Variants in AKAP9 observed in about 807,000 individuals in gnomAD.
AKAP9 encodes the protein A-kinase anchoring protein 9, also known as A-kinase anchor protein 9.
AKAP9 carries 311 observed loss-of-function variants against 488.5 expected under a neutral mutation model. The observed-to-expected ratio is 0.64, with a 90% CI of 0.58 to 0.70. The LOEUF is 0.70. Among genes scored for constraint, AKAP9 ranks in the 30% least tolerant of loss-of-function variants. AKAP9 has a pLI of 0.00. For synonymous variants in AKAP9, 1,462 were observed against 1,483.5 expected (o/e 0.99, Z 0.33); for missense variants, 4,215 against 4,374.5 (o/e 0.96, Z 1.03).
chr7:91,953,961 G>A (rs1713333398), intron 1 of AKAP9, among the ~76,000 whole-genome samples: 3 of 152,136 alleles, frequency 2.0e-5, no homozygotes, highest in Admixed American at 2.0e-4. Flanking sequence ...ATAGCCAAGT[G>A]TAAGCAGTCT....
At position 92,104,155 on chromosome 7, in the gene AKAP9, C is replaced by T. The variant is rs190230786; in HGVS notation, c.11330+1329C>T. Reference sequence around the variant, plus strand: ...TTTTGCTTTTTAAAGTTATTTCTATCAGGTCACATCTGATGCTGCTTTATT... The same window carrying T: ...TTTTGCTTTTTAAAGTTATTTCTATTAGGTCACATCTGATGCTGCTTTATT... On this transcript the variant is annotated intron_variant, in intron 46 of 49. Transcript: ENST00000356239. Among the ~76,000 whole-genome samples the T allele has an allele frequency of 6.6e-5, 10 of 151,824 alleles. No homozygotes were observed. The East Asian group carries it at 1.9e-3, about 29-fold the overall frequency.
At chr7:92,035,660 C>T (rs986990498) in intron 16 of AKAP9, among the ~76,000 whole-genome samples, 2 of 152,216 alleles carry the variant, frequency 1.3e-5, no homozygotes, top group African/African-American at 4.8e-5. Context: ...TAGGTTCAGA[C>T]TAAAAATCCT....
At chr7:92,050,517 G>C (rs1210635823) in intron 21 of AKAP9, among the ~76,000 whole-genome samples, 2 of 152,128 alleles carry the variant, frequency 1.3e-5, no homozygotes, top group South Asian at 2.1e-4. Context: ...TGTCTTGTTT[G>C]TCTTTCTAGA....
chr7:92,104,250 G>A (rs1818147953), intron 46 of AKAP9, among the ~76,000 whole-genome samples: 1 of 150,448 alleles, frequency 6.6e-6, no homozygotes, highest in African/African-American at 2.5e-5. Flanking sequence ...GAGTGCAGTG[G>A]TGCTATCTCA....
chr7:92,058,205 G>A (rs557964095), intron 22 of AKAP9: 5 of 593,668 alleles, frequency 8.4e-6, no homozygotes, highest in South Asian at 6.9e-5. Flanking sequence ...AACTGTCAAA[G>A]TCAGTGGCTC....
At chr7:92,059,140 C>T (rs1809304332) in intron 22 of AKAP9, among the ~76,000 whole-genome samples, 1 of 151,818 alleles carries the variant, frequency 6.6e-6, no homozygotes, top group Admixed American at 6.6e-5. Flanking sequence ...GTTTTGTTAC[C>T]TCTTCTGCAA....
chr7:92,062,345 G>T lies in AKAP9; in HGVS notation c.5836G>T (p.Asp1946Tyr), dbSNP rs1438540310. Residue 1946 changes from aspartate (D) to tyrosine (Y), a missense_variant, in exon 24 of 50, where the codon GAT becomes TAT. Physicochemically the swap from Asp to Tyr is radical, Grantham distance 160. Transcript: ENST00000356239. ...AATTCAGGAAAAAACTGATATAATA[G>T]ATCGTCTTGAGCAGGAGTTGTTATG... ...RQIQEKTDII[D>Y]RLEQELLCAS... 1 of 1,613,734 alleles carries T rather than the reference G, an allele frequency of 6.2e-7. No homozygotes were observed. The highest frequency in any genetic ancestry group is 8.5e-7 in the Non-Finnish European group (1 of 1,179,824).
rs377183137 is a variant in AKAP9, at chr7:92,017,702, T to C, written c.3837+600T>C. ...GATGTTCAGTTAATATTAAAATGTT[T>C]AGGCAGATTTGAAAGATTTAATTGA... On this transcript the variant is annotated intron_variant, in intron 12 of 49. Transcript: ENST00000356239. 2.6e-5 allele frequency among the ~76,000 whole-genome samples: 4 copies of C among 152,324 alleles called. No individual in the cohort carries two copies. In the South Asian group the frequency reaches 8.3e-4, roughly 32 times the overall value.
chr7:92,097,049 A>C lies in AKAP9; in HGVS notation c.10090A>C (p.Asn3364His), dbSNP rs1367082265. Residue 3364 changes from asparagine (N) to histidine (H), a missense_variant, in exon 41 of 50, where the codon AAT (asparagine) becomes CAT (histidine). Around this residue, in one of 5 missense-constraint regions of AKAP9, gnomAD observed 1,476 missense variants for 1,477.4 expected, o/e 1.00. Coordinates refer to ENST00000356239, the MANE Select transcript of AKAP9 (RefSeq NM_005751.5). ...ACACAGTCGCATAGTAGAATTGTTA[A>C]ATGAGACTGAAAAATATAAACTGGA... is the stretch of plus-strand genomic sequence containing the variant. ...EKHSRIVELL[N>H]ETEKYKLDSL... is the part of the protein sequence containing the mutation. The C allele has an allele frequency of 6.2e-7, 1 of 1,614,224 alleles. No individual in the cohort carries two copies. The highest frequency in any genetic ancestry group is 2.2e-5 in the East Asian group (1 of 44,882).
rs1306134630 is a variant in AKAP9 at position 92,029,990 on chromosome 7, A to T, written c.4244A>T (p.Glu1415Val). ...AAAAAGAATATTGATGGTACAATAG[A>T]GGTATTATATTTTTAATTTTTATCT... is the stretch of plus-strand genomic sequence containing the variant. Reference protein sequence around the residue: ...CVKKNIDGTIEFSGEFGVKEE... With the variant: ...CVKKNIDGTIVFSGEFGVKEE... Residue 1415 changes from glutamate to valine, a missense_variant and splice_region_variant, in exon 15 of 50, where the codon GAG becomes GTG. Glu to Val is a moderately radical substitution (Grantham distance 121). Around this residue, in one of 5 missense-constraint regions of AKAP9, gnomAD observed 2,361 missense variants for 2,430.0 expected, o/e 0.97. Transcript: ENST00000356239. 1 of 1,589,530 alleles carries T rather than the reference A, an allele frequency of 6.3e-7. No individual in the cohort carries two copies. The highest frequency in any genetic ancestry group is 1.1e-5 in the South Asian group (1 of 90,004).
At chr7:91,980,494 A>ATTTTT (rs1376590752) in intron 3 of AKAP9, among the ~76,000 whole-genome samples, 161 bp downstream of exon 3, 13 of 2,650 alleles carry the variant, frequency 4.9e-3, no homozygotes, top group East Asian at 0.013. Context: ...TGTATTACTG[A>ATTTTT]CTTTTTTTTT....
At chr7:91,984,563 T>C (rs187163801) in intron 3 of AKAP9, among the ~76,000 whole-genome samples, 73 of 152,334 alleles carry the variant, frequency 4.8e-4, no homozygotes, top group Non-Finnish European at 8.5e-4. Context: ...TCAGGTAGTG[T>C]GATGCCCCCA....
At chr7:91,985,967 A>C (rs1305604785) in intron 3 of AKAP9, among the ~76,000 whole-genome samples, 2 of 151,904 alleles carry the variant, frequency 1.3e-5, no homozygotes, top group Non-Finnish European at 2.9e-5. Flanking sequence ...TTTTCTATTT[A>C]TTGGAATAGT....
In AKAP9 at chr7:91,958,455, C is replaced by T. The variant is rs185955091; in HGVS notation, c.49-15256C>T. ...GTAGATAACGTTAGGGGTAAAGTGC[C>T]GTTCTTCTCACTGTTCATTGTTAGC... On this transcript the variant is annotated intron_variant, in intron 1 of 49. Coordinates refer to ENST00000356239, the MANE Select transcript of AKAP9 (RefSeq NM_005751.5). Among the ~76,000 whole-genome samples the T allele has an allele frequency of 2.4e-3, 372 of 152,062 alleles. 2 individuals carry two copies. Among genetic ancestry groups the T allele is most frequent in the African/African-American group, 8.4e-3 (349 of 41,498 alleles).
chr7:92,062,461 AG>A lies in AKAP9; in HGVS notation c.5953del (p.Ala1985GlnfsTer17), dbSNP rs1245461590. The A allele has an allele frequency of 6.2e-7, 1 of 1,613,452 alleles. No individual in the cohort carries two copies. The highest frequency in any genetic ancestry group is 8.5e-7 in the Non-Finnish European group (1 of 1,179,710). On this transcript the variant is annotated frameshift_variant, in exon 24 of 50. Transcript: ENST00000356239. LOFTEE classifies it high-confidence loss of function. Reference protein sequence around the residue: ...LLSRQKEAMKAEAGPVEQQLL... With the variant: ...LLSRQKEAMKXEAGPVEQQLL... ...TGTCCAGACAAAAGGAAGCTATGAAAGCAGAGGCAGGCCCAGTTGAACAACG... is the reference window on the plus strand; with the variant it reads ...TGTCCAGACAAAAGGAAGCTATGAAACAGAGGCAGGCCCAGTTGAACAACG...
chr7:92,015,448 T>G (rs1481951652), intron 10 of AKAP9, among the ~76,000 whole-genome samples: 2 of 151,222 alleles, frequency 1.3e-5, no homozygotes, highest in African/African-American at 4.9e-5. Flanking sequence ...CACTGTGACC[T>G]CTGCCTCCTA....
At position 92,066,508 on chromosome 7, in the gene AKAP9, C is replaced by G. The variant is rs1453464955; in HGVS notation, c.6292C>G (p.Pro2098Ala). 6.2e-7 allele frequency: 1 copy of G among 1,613,500 alleles called. No individual in the cohort carries two copies. The highest frequency in any genetic ancestry group is 2.2e-5 in the East Asian group (1 of 44,766). ...ACTAGAACAGCAACTTAAGGTTGTT[C>G]CTCGATTCCAGCCTATCAGTGAACA... ...QKLEQQLKVV[P>A]RFQPISEHQT... The change falls in exon 26 of 50, where the codon CCT (proline) becomes GCT (alanine). Residue 2098 changes from proline to alanine, a missense_variant. Physicochemically the swap from Pro to Ala is conservative, Grantham distance 27. This residue lies in a region of AKAP9 where 2,361 missense variants were observed against 2,430.0 expected (regional missense o/e 0.97). Transcript: ENST00000356239.
At chr7:92,039,349 C>T (rs372938571) in intron 17 of AKAP9, among the ~76,000 whole-genome samples, 5 of 152,080 alleles carry the variant, frequency 3.3e-5, no homozygotes, top group South Asian at 4.1e-4. Context: ...GTAAGTTGTA[C>T]GTACATTAAT....
At chr7:92,082,390 A>G (rs1035349707) in intron 31 of AKAP9, 132 bp from the exon 32 acceptor site, 1 of 894,928 alleles carries the variant, frequency 1.1e-6, no homozygotes, top group African/African-American at 1.7e-5. Flanking sequence ...TGGAAAGAGC[A>G]TTGATTTGTT....
Sources: gnomAD v4.1 joint callset for allele counts (sites outside exome capture counted in the v4.1 genomes callset) on GRCh38, gnomAD v4.1.1 for gene constraint, gnomAD v4.1.1 regional missense constraint, MANE v1.5 for transcripts, NCBI Gene and HGNC (gene_info 2026-07-23, HGNC 2026-07-21) for gene names.